Variants in RASSF4 observed in about 807,000 individuals in gnomAD.
The protein encoded by RASSF4 is ras association domain-containing protein 4.
Under a neutral mutation model 41.1 loss-of-function variants are expected in RASSF4, and 38 were observed. The ratio of observed to expected loss-of-function variants is 0.92; its 90% CI spans 0.71 to 1.21. The LOEUF (loss-of-function observed/expected upper bound fraction) is 1.21. Ranked by LOEUF, RASSF4 falls within the 50% of genes most tolerant of loss-of-function variation. The pLI is 0.00. For missense variants in RASSF4, 414 were observed against 419.4 expected (o/e 0.99, Z 0.11); for synonymous variants, 179 against 163.4 (o/e 1.10, Z -0.73).
At chr10:44,983,203 G>T in intron 4 of RASSF4, 1 of 346,866 alleles carries the variant, frequency 2.9e-6, no homozygotes, top group Non-Finnish European at 5.6e-6. Context: ...GACGCAGTTA[G>T]TAGCTGGGCC....
intron 1 of RASSF4, 149 bp downstream of exon 1, chr10:44,960,015 T>C (rs1840645961): frequency 6.6e-6 from 1 of 152,266 alleles, no homozygotes; most frequent in African/African-American, 2.4e-5. Flanking sequence ...GCCTGGCGCA[T>C]TGCGGGCCTC....
At chr10:44,990,902 G>T in intron 8 of RASSF4, 46 bp from the exon 9 acceptor site, 1 of 1,595,124 alleles carries the variant, frequency 6.3e-7, no homozygotes, top group Non-Finnish European at 8.6e-7. Flanking sequence ...ACAGACAGAG[G>T]TGATCCTAAT....
chr10:44,965,216 G>C lies in RASSF4; in HGVS notation c.-38-4949G>C, dbSNP rs1443416231. On this transcript the variant is annotated intron_variant, in intron 1 of 10. Transcript: ENST00000340258. ...CATTTTGAGGTTACAGAAAGAATGG[G>C]GCTTAGATTCTGGTGAAACAGGCTA... is the stretch of plus-strand genomic sequence containing the variant. Among the ~76,000 whole-genome samples, 5 of 152,208 alleles carry C rather than the reference G, an allele frequency of 3.3e-5. No homozygotes were observed. In the South Asian group the frequency reaches 1.0e-3, roughly 31 times the overall value.
chr10:44,984,108 G>A lies in RASSF4; in HGVS notation c.368G>A (p.Ser123Asn). The A allele has an allele frequency of 1.3e-6, 2 of 1,599,244 alleles. No homozygotes were observed. The highest frequency in any genetic ancestry group is 1.7e-6 in the Non-Finnish European group (2 of 1,173,182). Residue 123 changes from serine (S) to asparagine (N), a missense_variant, in exon 5 of 11, where the codon AGC (serine) becomes AAC (asparagine). Ser to Asn is a conservative substitution (Grantham distance 46). Transcript: ENST00000340258. ...PVHKAESSTD[S>N]SGPLEEAEEA... ...CACAAGGCTGAGAGTTCCACAGACA[G>A]CTCGGGTAAGCGGAGCCCGCAAGCT...
chr10:44,975,568 C>G, intron 3 of RASSF4, among the ~76,000 whole-genome samples: 1 of 129,548 alleles, frequency 7.7e-6, no homozygotes, highest in Non-Finnish European at 1.7e-5. Context: ...ACTCCCCTCT[C>G]TACCTCCCTT....
intron 5 of RASSF4, 85 bp from the exon 6 acceptor site, chr10:44,984,728 T>C (rs1841850586): frequency 1.3e-6 from 2 of 1,492,462 alleles, no homozygotes; most frequent in Admixed American, 1.7e-5. Context: ...ACCACAGGGC[T>C]CTAGGGTGCC....
chr10:44,966,201 C>A (rs1384072814), intron 1 of RASSF4, among the ~76,000 whole-genome samples: 1 of 152,138 alleles, frequency 6.6e-6, no homozygotes, highest in Admixed American at 6.6e-5. Flanking sequence ...TGCAACGAAG[C>A]ACCCCAGAGC....
intron 10 of RASSF4, 30 bp from the exon 11 acceptor site, chr10:44,993,239 G>C (rs1192561522): frequency 1.2e-6 from 2 of 1,606,820 alleles, no homozygotes; most frequent in South Asian, 2.2e-5. Context: ...TCTGGCCTCA[G>C]TGAGTCCTCT....
rs1842253994 is a variant in RASSF4 at position 44,995,767 on chromosome 10, T to C, written c.*2438T>C. On this transcript the variant is annotated 3_prime_UTR_variant, in exon 11 of 11. Coordinates refer to ENST00000340258, the MANE Select transcript of RASSF4 (RefSeq NM_032023.4). ...TTCAAACGTTAGAGGCTGGTCTCTG[T>C]GGTTTCCTACTGGTTCCTGTGGGGA... 1 of 152,216 alleles carries C rather than the reference T, an allele frequency of 6.6e-6. No homozygotes were observed. The highest frequency in any genetic ancestry group is 1.5e-5 in the Non-Finnish European group (1 of 68,032). 9.4% of individuals were successfully genotyped at this position (152,216 alleles called of 1,614,324 possible). A position where few individuals can be genotyped will look rare whatever the true frequency, so the allele number is the denominator to read the frequency against.
rs1842211600 is a variant in RASSF4 at position 44,993,940 on chromosome 10, A to G, written c.*611A>G. 6.6e-6 allele frequency: 1 copy of G among 152,382 alleles called. No individual in the cohort carries two copies. Among genetic ancestry groups the G allele is most frequent in the Admixed American group, 6.5e-5 (1 of 15,296 alleles). The allele number at this position is 152,382 out of a possible 1,614,324, so 9.4% of individuals were successfully genotyped here. A position where few individuals can be genotyped will look rare whatever the true frequency, so the allele number is the denominator to read the frequency against. On this transcript the variant is annotated 3_prime_UTR_variant, in exon 11 of 11. Coordinates refer to ENST00000340258, the MANE Select transcript of RASSF4 (RefSeq NM_032023.4). ...ACAAGTATCTCACTTTCTCTGCAGA[A>G]ATCAATCTTTACTTCATCAGAGAGA...
In RASSF4 at chr10:44,995,433, A is replaced by C. The variant is rs1482296554; in HGVS notation, c.*2104A>C. 1 of 152,298 alleles carries C rather than the reference A, an allele frequency of 6.6e-6. No individual in the cohort carries two copies. The highest frequency in any genetic ancestry group is 2.4e-5 in the African/African-American group (1 of 41,484). 9.4% of individuals were successfully genotyped at this position (152,298 alleles called of 1,614,324 possible). On this transcript the variant is annotated 3_prime_UTR_variant, in exon 11 of 11. Transcript: ENST00000340258. The stretch of plus-strand genomic sequence containing the variant: ...AGGAGCAGGCCAGGTCCTGGCACAC[A>C]GGAAGCCAGTGGAGCAGGAGACCCT...
In RASSF4 at chr10:44,971,467, CT is replaced by C. The variant is rs1366861863; in HGVS notation, c.63-305del. 3 of 571,166 alleles carry C rather than the reference CT, an allele frequency of 5.3e-6. No individual in the cohort carries two copies. In the African/African-American group the frequency reaches 5.5e-5, roughly 11 times the overall value. The allele number at this position is 571,166 out of a possible 1,614,324, so 35.4% of individuals were successfully genotyped here. On this transcript the variant is annotated intron_variant, in intron 2 of 10. Coordinates refer to ENST00000340258, the MANE Select transcript of RASSF4 (RefSeq NM_032023.4). ...GCAACGCAGGTGGAGGGCAGGGAGG[CT>C]GCCAGGGCCTTACCTGTGATAGTGA...
In RASSF4 at chr10:44,984,920, C is replaced by T. The variant is rs137923619; in HGVS notation, c.481C>T (p.Arg161Cys). 100 of 1,613,100 alleles carry T rather than the reference C, an allele frequency of 6.2e-5. No homozygotes were observed. In the African/African-American group the frequency reaches 8.7e-4, roughly 14 times the overall value. The change falls in exon 6 of 11, where the codon CGC becomes TGC. Residue 161 changes from arginine to cysteine, a missense_variant. Arg to Cys is a radical substitution (Grantham distance 180). Coordinates refer to ENST00000340258, the MANE Select transcript of RASSF4 (RefSeq NM_032023.4). ...GTGCCGCGCCCCCGGTGAGGCCCAG[C>T]GCATCCGGCGACACCGGTTCTCTAT... is the stretch of plus-strand genomic sequence containing the variant. ...PKCRAPGEAQ[R>C]IRRHRFSING...
At chr10:44,973,486 T>G (rs1746381265) in intron 3 of RASSF4, among the ~76,000 whole-genome samples, 1 of 152,168 alleles carries the variant, frequency 6.6e-6, no homozygotes, top group Non-Finnish European at 1.5e-5. Context: ...CAGGGATTGA[T>G]CTAAATCCCA....
chr10:44,971,695 A>C (rs569976977), intron 2 of RASSF4, 78 bp from the exon 3 acceptor site: 2 of 1,085,324 alleles, frequency 1.8e-6, no homozygotes, highest in African/African-American at 3.1e-5. Context: ...ATGAGGAAAC[A>C]GAGGCCAGGG....
chr10:44,984,479 T>C lies in RASSF4; in HGVS notation c.374-334T>C, dbSNP rs144975700. The C allele has an allele frequency of 7.3e-4, 354 of 483,486 alleles. 3 individuals are homozygous for C. The highest frequency in any genetic ancestry group is 3.1e-3 in the Admixed American group (90 of 29,142). The allele number at this position is 483,486 out of a possible 1,614,324, so 29.9% of individuals were successfully genotyped here. A position where few individuals can be genotyped will look rare whatever the true frequency, so the allele number is the denominator to read the frequency against. ...TGTACCTGCTCACTCATCCTTTTTA[T>C]TCCCCTTCCTTTAGCCCTCAGTGAA... On this transcript the variant is annotated intron_variant, in intron 5 of 10. Transcript: ENST00000340258.
At chr10:44,987,626 C>CTTTTTTTTT (rs34115822) in intron 6 of RASSF4, among the ~76,000 whole-genome samples, 1 of 128,258 alleles carries the variant, frequency 7.8e-6, no homozygotes, top group African/African-American at 2.9e-5. Flanking sequence ...AAAATGTGCA[C>CTTTTTTTTT]TTTTTTTTTT....
chr10:44,977,493 A>C (rs1179250667), intron 3 of RASSF4: 1 of 1,613,162 alleles, frequency 6.2e-7, no homozygotes, highest in Non-Finnish European at 8.5e-7. Context: ...GACTGCCCAA[A>C]AGTCCAGCTT....
intron 1 of RASSF4, among the ~76,000 whole-genome samples, chr10:44,962,343 A>G (rs918888616): frequency 6.6e-6 from 1 of 152,218 alleles, no homozygotes; most frequent in Non-Finnish European, 1.5e-5. Flanking sequence ...CCCTGCAGTG[A>G]TATGCAAATT....
Sources: allele counts gnomAD v4.1 joint callset (sites outside exome capture counted in the v4.1 genomes callset), GRCh38; gene constraint gnomAD v4.1.1; transcripts MANE v1.5; gene names NCBI Gene and HGNC (gene_info 2026-07-23, HGNC 2026-07-21).